The following RNF10 variants were observed in gnomAD, a reference collection of about 807,000 sequenced individuals.
RNF10 encodes the protein E3 ubiquitin-protein ligase RNF10.
A neutral mutation model predicts 91.4 loss-of-function variants in RNF10; 38 were observed. The ratio of observed to expected loss-of-function variants is 0.42; its 90% confidence interval spans 0.32 to 0.54. The LOEUF is 0.54. Among genes scored for constraint, RNF10 ranks in the 20% least tolerant of loss-of-function variants. The pLI is 0.16. For missense variants in RNF10, 945 were observed against 1,012.0 expected, an observed-to-expected ratio of 0.93 and a Z score of 0.90; for synonymous variants, 364 against 366.3, an observed-to-expected ratio of 0.99 and a Z score of 0.07.
intron 1 of RNF10, among the ~76,000 whole-genome samples, chr12:120,536,655 A>C (rs552043605): frequency 2.0e-5 from 3 of 152,298 alleles, no homozygotes; most frequent in East Asian, 1.9e-4. Context: ...CAAAAGATAG[A>C]AGGTAACCAG....
At chr12:120,558,413 TA>T (rs1305838839) in intron 6 of RNF10, among the ~76,000 whole-genome samples, 13 of 151,882 alleles carry the variant, frequency 8.6e-5, no homozygotes, top group Non-Finnish European at 1.6e-4. Context: ...TTTGACTGTT[TA>T]AATGTTTAGC....
rs148043070 is a variant in RNF10, at chr12:120,557,662, A to G, written c.947A>G (p.Asp316Gly). The G allele has an allele frequency of 9.3e-6, 15 of 1,614,174 alleles. No homozygotes were observed. Among genetic ancestry groups the G allele is most frequent in the Non-Finnish European group, 1.3e-5 (15 of 1,180,028 alleles). ...ALPKSKWMNV[D>G]HPIHLGDEQH... ...CCCAAATCCAAATGGATGAATGTAG[A>G]CCATCCCATTCATCTAGGAGGTGAG... Residue 316 changes from aspartate to glycine, a missense_variant, in exon 6 of 17, where the codon GAC becomes GGC. Asp to Gly is a moderately conservative substitution (Grantham distance 94). Transcript: ENST00000325954.
rs199779791 is a variant in RNF10 at position 120,563,125 on chromosome 12, C to T, written c.1254+55C>T. 5 of 1,609,786 alleles carry T rather than the reference C, an allele frequency of 3.1e-6. No homozygotes were observed. The East Asian group carries it at 8.9e-5, about 29-fold the overall frequency. ...CCGTTCCTCAAATGCTGTCATTGAG[C>T]TGGTAGGCATTACTGTGAGATCTAA... On this transcript the variant is annotated intron_variant, in intron 8 of 16. Transcript: ENST00000325954.
chr12:120,559,000 T>G (rs184628600), intron 6 of RNF10, among the ~76,000 whole-genome samples: 12 of 151,908 alleles, frequency 7.9e-5, no homozygotes, highest in African/African-American at 2.9e-4. Context: ...TACTTTTAAT[T>G]AATTAAATTC....
chr12:120,569,538 C>CTTTTT (rs58304342), intron 13 of RNF10, among the ~76,000 whole-genome samples: 1 of 115,240 alleles, frequency 8.7e-6, no homozygotes, highest in Admixed American at 1.1e-4. Context: ...TGATATGCAT[C>CTTTTT]TTTTTTTTTT....
chr12:120,552,735 G>A (rs1330262435), intron 3 of RNF10, 37 bp downstream of exon 3: 1 of 1,577,802 alleles, frequency 6.3e-7, no homozygotes, highest in Non-Finnish European at 8.7e-7. Context: ...AGGGAAAGTA[G>A]GACTCTCCGG....
chr12:120,575,576 A>C, intron 14 of RNF10, 55 bp from the exon 15 acceptor site: 1 of 1,602,964 alleles, frequency 6.2e-7, no homozygotes, highest in Non-Finnish European at 8.5e-7. Context: ...GGTCTGAAAA[A>C]GAAGTTGGAC....
At chr12:120,564,819 G>A (rs1057095070) in intron 10 of RNF10, among the ~76,000 whole-genome samples, 7 of 152,200 alleles carry the variant, frequency 4.6e-5, no homozygotes, top group African/African-American at 1.7e-4. Context: ...ATGGGCTTTA[G>A]ATTATTTGTT....
chr12:120,536,652 T>G (rs963395681), intron 1 of RNF10, among the ~76,000 whole-genome samples: 1 of 152,184 alleles, frequency 6.6e-6, no homozygotes, highest in East Asian at 1.9e-4. Context: ...CCTCAAAAGA[T>G]AGAAGGTAAC....
chr12:120,551,290 GTTTTTTTTTTTTT>G (rs63002361), intron 2 of RNF10, among the ~76,000 whole-genome samples: 136 of 83,208 alleles, frequency 1.6e-3, no homozygotes, highest in Non-Finnish European at 2.3e-3. Context: ...CCATCCTAGT[GTTTTTTTTTTTTT>G]TTTTTTTTTG....
At chr12:120,540,199 A>G (rs1473846221) in intron 1 of RNF10, among the ~76,000 whole-genome samples, 4 of 151,656 alleles carry the variant, frequency 2.6e-5, no homozygotes, top group African/African-American at 9.7e-5. Flanking sequence ...CTGGCTTCAA[A>G]TGATCCTCCC....
In RNF10 at chr12:120,560,881, C is replaced by A; in HGVS notation, c.1123C>A (p.Leu375Ile). Residue 375 changes from leucine to isoleucine, a missense_variant, in exon 7 of 17, where the codon CTC becomes ATC. Leu to Ile is a conservative substitution (Grantham distance 5, BLOSUM62 2). Transcript: ENST00000325954. Reference protein sequence around the residue: ...SCFIEAAIQELKTREEALSGL... With the variant: ...SCFIEAAIQEIKTREEALSGL... ...CTTTATTGAGGCAGCTATCCAGGAG[C>A]TCAAGGTGAGAGGATGCATTGGAGA... The A allele has an allele frequency of 6.2e-7, 1 of 1,613,928 alleles. No homozygotes were observed. The highest frequency in any genetic ancestry group is 1.3e-5 in the African/African-American group (1 of 75,028).
rs1236552946 is a variant in RNF10 at position 120,563,517 on chromosome 12, C to T, written c.1425C>T (p.Asp475=). The change falls in exon 9 of 17, where the codon GAC becomes GAT. Residue 475 remains aspartate, a synonymous_variant. Transcript: ENST00000325954. The stretch of plus-strand genomic sequence containing the variant: ...GTGATGACTTGGAGTTAGCAGATGA[C>T]AATCTTAAAGAGGGGACCATTTGCA... ...EACDDLELAD[D]NLKEGTICTE... is the part of the protein sequence containing the mutation. The T allele has an allele frequency of 1.2e-6, 2 of 1,614,006 alleles. No homozygotes were observed. Among genetic ancestry groups the T allele is most frequent in the African/African-American group, 1.3e-5 (1 of 74,900 alleles).
chr12:120,560,622 C>A, intron 6 of RNF10, 104 bp from the exon 7 acceptor site: 1 of 1,083,348 alleles, frequency 9.2e-7, no homozygotes, highest in Non-Finnish European at 1.3e-6. Flanking sequence ...TAAATTACCC[C>A]ATTTTCACCC....
chr12:120,574,214 A>G (rs1461904262), intron 14 of RNF10, among the ~76,000 whole-genome samples: 1 of 152,270 alleles, frequency 6.6e-6, no homozygotes, highest in Non-Finnish European at 1.5e-5. Flanking sequence ...GCATCTGCCA[A>G]CACAAACTCA....
Position 120,552,514 on chromosome 12 carries a change from C to T in RNF10, c.370C>T (p.Arg124Trp), listed in dbSNP as rs1203362625. Residue 124 changes from arginine to tryptophan, a missense_variant, in exon 3 of 17, where the codon CGG becomes TGG. Arg to Trp is a moderately radical substitution (Grantham distance 101). Transcript: ENST00000325954. ...GRRDEVAEAQ[R>W]AEFSPAQFSG... is the part of the protein sequence containing the mutation. ...TTCTCTCTAGGTAGCAGAGGCTCAA[C>T]GGGCAGAGTTTAGCCCTGCCCAGTT... 8.1e-6 allele frequency: 13 copies of T among 1,612,858 alleles called. No individual in the cohort carries two copies. The highest frequency in any genetic ancestry group is 1.7e-5 in the Admixed American group (1 of 59,994).
intron 1 of RNF10, among the ~76,000 whole-genome samples, chr12:120,538,678 C>A (rs751988016): frequency 3.3e-5 from 5 of 152,060 alleles, no homozygotes; most frequent in Non-Finnish European, 5.9e-5. Flanking sequence ...GAAGGTAGGC[C>A]GTTTATGGGC....
Position 120,571,184 on chromosome 12 carries a change from C to T in RNF10, c.2042-7C>T. 1.2e-6 allele frequency: 2 copies of T among 1,607,526 alleles called. No homozygotes were observed. Among genetic ancestry groups the T allele is most frequent in the Non-Finnish European group, 1.7e-6 (2 of 1,174,462 alleles). Reference sequence around the variant, plus strand: ...CGAATATAATCAGGTCTCTGGTTCCCTTTCAGACTTTCTGCTGACCCCTCT... The same window carrying T: ...CGAATATAATCAGGTCTCTGGTTCCTTTTCAGACTTTCTGCTGACCCCTCT... On this transcript the variant is annotated splice_polypyrimidine_tract_variant and splice_region_variant and intron_variant, in intron 13 of 16. Coordinates refer to ENST00000325954, the MANE Select transcript of RNF10 (RefSeq NM_014868.5).
rs1470001862 is a variant in RNF10 at position 120,557,666 on chromosome 12, T to C, written c.951T>C (p.His317=). Residue 317 remains histidine, a synonymous_variant, in exon 6 of 17, where the codon CAT becomes CAC. Coordinates refer to ENST00000325954, the MANE Select transcript of RNF10 (RefSeq NM_014868.5). ...LPKSKWMNVD[H]PIHLGDEQHS... Reference sequence around the variant, plus strand: ...AATCCAAATGGATGAATGTAGACCATCCCATTCATCTAGGAGGTGAGTTCT... The same window carrying C: ...AATCCAAATGGATGAATGTAGACCACCCCATTCATCTAGGAGGTGAGTTCT... 8.1e-6 allele frequency: 13 copies of C among 1,614,060 alleles called. No individual in the cohort carries two copies. Among genetic ancestry groups the C allele is most frequent in the African/African-American group, 1.3e-5 (1 of 74,920 alleles).
Sources: gnomAD v4.1 joint callset for allele counts (sites outside exome capture counted in the v4.1 genomes callset) on GRCh38, gnomAD v4.1.1 for gene constraint, MANE v1.5 for transcripts, NCBI Gene and HGNC (gene_info 2026-07-23, HGNC 2026-07-21) for gene names.